The following SLC6A6 variants were observed in gnomAD, a reference collection of about 807,000 sequenced individuals.
SLC6A6 encodes solute carrier family 6 member 6.
In SLC6A6, 16 loss-of-function variants were observed where a neutral mutation model predicts 68.8. That is an observed-to-expected ratio of 0.23 (90% CI 0.16 to 0.35). The LOEUF (loss-of-function observed/expected upper bound fraction) is 0.35. Ranked by LOEUF, SLC6A6 falls within the 10% of genes least tolerant of loss-of-function variation. SLC6A6 has a pLI of 1.00. For missense variants in SLC6A6, 474 were observed against 802.8 expected, an observed-to-expected ratio of 0.59 and a Z score of 4.95; for synonymous variants, 312 against 315.4, an observed-to-expected ratio of 0.99 and a Z score of 0.12.
At chr3:14,420,937 C>G (rs1026734922) in intron 2 of SLC6A6, among the ~76,000 whole-genome samples, 4 of 152,346 alleles carry the variant, frequency 2.6e-5, no homozygotes, top group Admixed American at 2.6e-4. Context: ...CAGTGAACTT[C>G]TTTTGAGTGG....
intron 5 of SLC6A6, among the ~76,000 whole-genome samples, chr3:14,451,976 C>T (rs895115720): frequency 2.0e-5 from 3 of 152,198 alleles, no homozygotes; most frequent in African/African-American, 4.8e-5. Flanking sequence ...ATGCATAGGT[C>T]CCTGGCCCGT....
At chr3:14,426,334 C>A (rs940147163) in intron 2 of SLC6A6, among the ~76,000 whole-genome samples, 13 of 151,886 alleles carry the variant, frequency 8.6e-5, no homozygotes, top group Non-Finnish European at 1.8e-4. Flanking sequence ...AGTCCCCCCC[C>A]AGCCATCCCA....
intron 14 of SLC6A6, among the ~76,000 whole-genome samples, chr3:14,482,600 A>G (rs989259158): frequency 1.3e-5 from 2 of 152,126 alleles, no homozygotes; most frequent in African/African-American, 2.4e-5. Context: ...TGGAGCCAGG[A>G]TGTCCTGGGG....
intron 2 of SLC6A6, among the ~76,000 whole-genome samples, chr3:14,438,736 G>A (rs183265524): frequency 2.0e-5 from 3 of 152,318 alleles, no homozygotes; most frequent in Admixed American, 2.0e-4. Flanking sequence ...AGGCAAAATA[G>A]GAAACAGACA....
chr3:14,483,158 AT>A (rs1701047606), intron 14 of SLC6A6, among the ~76,000 whole-genome samples: 1 of 152,134 alleles, frequency 6.6e-6, no homozygotes, highest in Admixed American at 6.5e-5. Context: ...TCCAGCCCAC[AT>A]TTAGAAGTTT....
chr3:14,434,368 C>T (rs1195288359), intron 2 of SLC6A6, among the ~76,000 whole-genome samples: 2 of 152,174 alleles, frequency 1.3e-5, no homozygotes. Context: ...GCAGAGGGGC[C>T]TACTTTGTTG....
At chr3:14,433,802 CA>C (rs67806643) in intron 2 of SLC6A6, among the ~76,000 whole-genome samples, 38,494 of 77,192 alleles carry the variant, frequency 0.5, 6,881 homozygotes, top group Middle Eastern at 0.58. Context: ...GACTCTGTCT[CA>C]AAAAAAAAAA....
intron 2 of SLC6A6, among the ~76,000 whole-genome samples, chr3:14,417,715 C>T (rs950063205): frequency 1.4e-5 from 2 of 145,060 alleles, no homozygotes; most frequent in Non-Finnish European, 3.0e-5. Flanking sequence ...CTGGGCGACG[C>T]AGCGAGACTC....
At chr3:14,479,454 A>G (rs191645533) in intron 13 of SLC6A6, among the ~76,000 whole-genome samples, 18 of 152,338 alleles carry the variant, frequency 1.2e-4, no homozygotes, top group Admixed American at 9.8e-4. Flanking sequence ...AAGGCATCCT[A>G]AAAGAAGAGG....
rs966568643 is a variant in SLC6A6 at position 14,450,280 on chromosome 3, G to A, written c.599+2464G>A. Among the ~76,000 whole-genome samples, 1 of 152,028 alleles carries A rather than the reference G, an allele frequency of 6.6e-6. No individual in the cohort carries two copies. Among genetic ancestry groups the A allele is most frequent in the Non-Finnish European group, 1.5e-5 (1 of 68,016 alleles). On this transcript the variant is annotated intron_variant, in intron 5 of 14. Transcript: ENST00000622186. This position sits in a 1 kb window ranked among gnomAD's most constrained non-coding sequence, Gnocchi z 4.1. Reference sequence around the variant, plus strand: ...CAGTCCTCACTCACACCTTCCAGAGGGACCGGGCCCTCGGGGGTATTCTGG... The same window carrying A: ...CAGTCCTCACTCACACCTTCCAGAGAGACCGGGCCCTCGGGGGTATTCTGG...
intron 7 of SLC6A6, 59 bp from the exon 8 acceptor site, chr3:14,467,794 C>T (rs1345743672): frequency 9.1e-7 from 1 of 1,094,154 alleles, no homozygotes; most frequent in African/African-American, 1.6e-5. Flanking sequence ...CTGCCTCCTC[C>T]AGGAAGCCAG....
intron 2 of SLC6A6, among the ~76,000 whole-genome samples, chr3:14,422,094 G>A (rs1699497961): frequency 6.6e-6 from 1 of 152,162 alleles, no homozygotes; most frequent in South Asian, 2.1e-4. Context: ...ATTTCCATCT[G>A]TCCATGTGTT....
chr3:14,417,139 C>G (rs1020284317), intron 2 of SLC6A6, among the ~76,000 whole-genome samples: 2 of 151,436 alleles, frequency 1.3e-5, no homozygotes, highest in Non-Finnish European at 2.9e-5. Flanking sequence ...TCGAGACCAG[C>G]GTGGGCAACA....
chr3:14,488,294 G>GC lies in SLC6A6; in HGVS notation c.*3292dup. 6.6e-6 allele frequency: 1 copy of GC among 152,654 alleles called. No homozygotes were observed. The highest frequency in any genetic ancestry group is 1.5e-5 in the Non-Finnish European group (1 of 68,382). The allele number at this position is 152,654 out of a possible 1,614,324, so 9.5% of individuals were successfully genotyped here. ...CTGGGCCATGTGCAGCTCCTTCACTGCCCCCTGGATCCCCAGCATACCCCC... is the reference window on the plus strand; with the variant it reads ...CTGGGCCATGTGCAGCTCCTTCACTGCCCCCCTGGATCCCCAGCATACCCCC... On this transcript the variant is annotated 3_prime_UTR_variant, in exon 15 of 15. Transcript: ENST00000622186.
chr3:14,463,749 A>T (rs1012430627), intron 6 of SLC6A6, among the ~76,000 whole-genome samples: 2 of 152,054 alleles, frequency 1.3e-5, no homozygotes, highest in African/African-American at 4.8e-5. Context: ...GAAATCATGT[A>T]GGCTCCTGGC....
At position 14,481,848 on chromosome 3, in the gene SLC6A6, G is replaced by A; in HGVS notation, c.1722+7G>A. 1.2e-6 allele frequency: 2 copies of A among 1,613,104 alleles called. No homozygotes were observed. Among genetic ancestry groups the A allele is most frequent in the Non-Finnish European group, 1.7e-6 (2 of 1,179,368 alleles). On this transcript the variant is annotated splice_region_variant and intron_variant, in intron 14 of 14. Coordinates refer to ENST00000622186, the MANE Select transcript of SLC6A6 (RefSeq NM_003043.6). The surrounding 1 kb of genome is among the most constrained non-coding windows in gnomAD (Gnocchi z 4.7). ...TGAGGGGCCGTTCCTTGTGGTAAGT[G>A]CTTGGGCCCAGGGCCAGGGGAGGTG...
chr3:14,478,986 A>G, intron 12 of SLC6A6, 99 bp from the exon 13 acceptor site: 2 of 740,392 alleles, frequency 2.7e-6, no homozygotes, highest in Admixed American at 2.0e-5. Context: ...GTGGAGATGC[A>G]GAGGCCTGGA....
At chr3:14,447,899 T>C in intron 5 of SLC6A6, 83 bp downstream of exon 5, 1 of 1,560,780 alleles carries the variant, frequency 6.4e-7, no homozygotes, top group South Asian at 1.2e-5. Context: ...TCCCCTGGGA[T>C]ACAGGAGCCA....
chr3:14,443,079 G>T (rs535172886), intron 2 of SLC6A6, among the ~76,000 whole-genome samples: 1 of 152,080 alleles, frequency 6.6e-6, no homozygotes, highest in African/African-American at 2.4e-5. Flanking sequence ...GTTCGTTTCC[G>T]TCTATCTGTT....
Sources: allele counts gnomAD v4.1 joint callset (sites outside exome capture counted in the v4.1 genomes callset), GRCh38; gene constraint gnomAD v4.1.1; non-coding constraint Gnocchi (gnomAD v3.1); transcripts MANE v1.5; gene names NCBI Gene and HGNC (gene_info 2026-07-23, HGNC 2026-07-21).